NAV1: variants seen among roughly 807,000 people sequenced by gnomAD.
The protein encoded by NAV1 is pore membrane and/or filament interacting like protein 3.
NAV1 carries 18 observed loss-of-function variants against 175.2 expected under a neutral mutation model. The observed-to-expected ratio is 0.10, with a 90% confidence interval of 0.07 to 0.15. NAV1 has a LOEUF of 0.15. NAV1 is among the 10% of genes least tolerant of loss of function. The probability of loss-of-function intolerance (pLI) is 1.00; values close to 1 mark genes in which losing one functional copy is unlikely to be tolerated. For missense variants in NAV1, 1,731 were observed against 2,436.6 expected, an observed-to-expected ratio of 0.71 and a Z score of 6.10; for synonymous variants, 897 against 978.7, an observed-to-expected ratio of 0.92 and a Z score of 1.56.
intron 1 of NAV1, among the ~76,000 whole-genome samples, chr1:201,701,024 A>AAAAAG (rs1671399633): frequency 6.7e-6 from 1 of 150,370 alleles, no homozygotes; most frequent in African/African-American, 2.4e-5. Context: ...AAAAAAAAAA[A>AAAAAG]AAAAAAAAGA....
At chr1:201,729,948 G>C (rs945644362) in intron 3 of NAV1, among the ~76,000 whole-genome samples, 1 of 152,126 alleles carries the variant, frequency 6.6e-6, no homozygotes, top group Non-Finnish European at 1.5e-5. Flanking sequence ...CATGCAGCAG[G>C]TGTCAGTAAA....
At chr1:201,816,674 C>CTTTTTTTT (rs35468878) in intron 28 of NAV1, among the ~76,000 whole-genome samples, 1 of 102,860 alleles carries the variant, frequency 9.7e-6, no homozygotes, top group East Asian at 2.8e-4. Context: ...AGGAAGTGCA[C>CTTTTTTTT]TTTTTTTTTT....
chr1:201,633,268 T>A (rs1463710956), intron 2 of NAV1, among the ~76,000 whole-genome samples: 1 of 152,240 alleles, frequency 6.6e-6, no homozygotes, highest in Non-Finnish European at 1.5e-5. Context: ...TTGAATACCC[T>A]ACTATGTGCA....
intron 1 of NAV1, chr1:201,688,424 A>G (rs532545148): frequency 1.3e-5 from 2 of 152,374 alleles, no homozygotes; most frequent in East Asian, 3.9e-4. Flanking sequence ...CTGTTGAATG[A>G]AAGAGTGAAG....
At chr1:201,741,019 C>T (rs1327558394) in intron 3 of NAV1, among the ~76,000 whole-genome samples, 1 of 152,084 alleles carries the variant, frequency 6.6e-6, no homozygotes, top group Non-Finnish European at 1.5e-5. Flanking sequence ...AGGTTGGGCC[C>T]TATGCCTGGT....
intron 2 of NAV1, among the ~76,000 whole-genome samples, chr1:201,590,257 C>T (rs1667149181): frequency 6.6e-6 from 1 of 152,162 alleles, no homozygotes; most frequent in Admixed American, 6.5e-5. Context: ...TGGTAAGCAC[C>T]CAAGGCCATG....
intron 3 of NAV1, among the ~76,000 whole-genome samples, chr1:201,754,200 C>T (rs1674310691): frequency 6.6e-6 from 1 of 152,150 alleles, no homozygotes; most frequent in Non-Finnish European, 1.5e-5. Flanking sequence ...ACCTCTCATA[C>T]CCTATACAGG....
intron 1 of NAV1, among the ~76,000 whole-genome samples, chr1:201,564,306 G>A (rs1283759238): frequency 6.6e-6 from 1 of 152,040 alleles, no homozygotes; most frequent in Admixed American, 6.6e-5. Context: ...CTCACCTTTA[G>A]CGTCCTTACC....
intron 28 of NAV1, among the ~76,000 whole-genome samples, chr1:201,816,145 G>A (rs947978711): frequency 6.6e-6 from 1 of 152,170 alleles, no homozygotes; most frequent in African/African-American, 2.4e-5. Flanking sequence ...GCCAAGGCAG[G>A]TAGATCATCT....
chr1:201,808,141 T>C lies in NAV1; in HGVS notation c.3837T>C (p.Asp1279=), dbSNP rs748467554. The change falls in exon 18 of 30, where the codon GAT becomes GAC. Residue 1279 remains aspartate (D), a synonymous_variant. Coordinates refer to ENST00000367296, the Ensembl canonical transcript of NAV1. The surrounding 1 kb of genome is among the most constrained non-coding windows in gnomAD (Gnocchi z 5.5). The stretch of plus-strand genomic sequence containing the variant: ...CCACCTCGTCCTCCGTGGGCACTGA[T>C]GTCACCGAGTAAGTGCTCTTTGGCT... 2 of 1,614,190 alleles carry C rather than the reference T, an allele frequency of 1.2e-6. No individual in the cohort carries two copies. Among genetic ancestry groups the C allele is most frequent in the Non-Finnish European group, 1.7e-6 (2 of 1,180,006 alleles).
At chr1:201,641,397 A>G (rs1668748106) in intron 2 of NAV1, among the ~76,000 whole-genome samples, 2 of 152,088 alleles carry the variant, frequency 1.3e-5, no homozygotes, top group Admixed American at 6.5e-5. Context: ...TTCAAGAGGG[A>G]AGCCAGGTCA....
chr1:201,654,564 A>C (rs1300120127), intron 1 of NAV1, among the ~76,000 whole-genome samples: 1 of 152,068 alleles, frequency 6.6e-6, no homozygotes, highest in South Asian at 2.1e-4. Flanking sequence ...CACGTGGTGC[A>C]AGGGAGAGCC....
chr1:201,631,876 C>T (rs1668487287), intron 2 of NAV1, among the ~76,000 whole-genome samples: 1 of 152,120 alleles, frequency 6.6e-6, no homozygotes, highest in Non-Finnish European at 1.5e-5. Context: ...CCCTTCCTGA[C>T]CATGAACTCA....
At chr1:201,623,447 CT>C in exon 1 of NAV1, 1 of 985,984 alleles carries the variant, frequency 1.0e-6, no homozygotes, top group Non-Finnish European at 1.2e-6. Flanking sequence ...ACCCCCAGGT[CT>C]TTGGAGCCTG....
At chr1:201,635,124 C>T (rs546888931) in intron 2 of NAV1, among the ~76,000 whole-genome samples, 26 of 152,216 alleles carry the variant, frequency 1.7e-4, no homozygotes, top group Non-Finnish European at 3.4e-4. Flanking sequence ...CTGCAAGCTC[C>T]GCCTCCTGGG....
At chr1:201,798,947 C>T (rs1026517126) in intron 15 of NAV1, among the ~76,000 whole-genome samples, 6 of 151,800 alleles carry the variant, frequency 4.0e-5, no homozygotes, top group Admixed American at 3.9e-4. Context: ...GGTGATCCAC[C>T]CACCTCAGCC....
At position 201,812,736 on chromosome 1, in the gene NAV1, C is replaced by G; in HGVS notation, c.5221+75C>G. 7.5e-7 allele frequency: 1 copy of G among 1,336,352 alleles called. No homozygotes were observed. The highest frequency in any genetic ancestry group is 1.1e-6 in the Non-Finnish European group (1 of 943,630). The allele number at this position is 1,336,352 out of a possible 1,614,324, so 82.8% of individuals were successfully genotyped here. Reference sequence around the variant, plus strand: ...CACTGTACCACCTGGAGGGATGCTCCCTTCTCTTCCTGGAGTCTTCGGCAT... The same window carrying G: ...CACTGTACCACCTGGAGGGATGCTCGCTTCTCTTCCTGGAGTCTTCGGCAT... On this transcript the variant is annotated intron_variant, in intron 27 of 29. Coordinates refer to ENST00000367296, the Ensembl canonical transcript of NAV1. The surrounding 1 kb of genome is among the most constrained non-coding windows in gnomAD (Gnocchi z 4.6).
At position 201,779,674 on chromosome 1, in the gene NAV1, T is replaced by C. The variant is rs552490058; in HGVS notation, c.1227-747T>C. On this transcript the variant is annotated intron_variant, in intron 3 of 29. Coordinates refer to ENST00000367296, the Ensembl canonical transcript of NAV1. Reference sequence around the variant, plus strand: ...TCAAGCTACAAAGATATGGAGGTTGTAGTAAGTTCACTTAGTGCATGAAGT... The same window carrying C: ...TCAAGCTACAAAGATATGGAGGTTGCAGTAAGTTCACTTAGTGCATGAAGT... Among the ~76,000 whole-genome samples, 7 of 150,304 alleles carry C rather than the reference T, an allele frequency of 4.7e-5. No homozygotes were observed. The East Asian group carries it at 1.4e-3, about 29-fold the overall frequency.
At chr1:201,628,635 C>G (rs1350246681) in intron 1 of NAV1, among the ~76,000 whole-genome samples, 2 of 152,174 alleles carry the variant, frequency 1.3e-5, no homozygotes, top group Non-Finnish European at 2.9e-5. Flanking sequence ...GCCAAGCTGC[C>G]AAAGTCTCCA....
Sources: allele counts gnomAD v4.1 joint callset (sites outside exome capture counted in the v4.1 genomes callset), GRCh38; gene constraint gnomAD v4.1.1; non-coding constraint Gnocchi (gnomAD v3.1); transcripts MANE v1.5; gene names NCBI Gene and HGNC (gene_info 2026-07-23, HGNC 2026-07-21).